ADGRL3: variants seen among roughly 807,000 people sequenced by gnomAD.
ADGRL3 encodes the protein calcium-independent alpha-latrotoxin receptor 3.
In ADGRL3, 62 loss-of-function variants were observed where a neutral mutation model predicts 153.5. The observed-to-expected ratio is 0.40, with a 90% CI of 0.33 to 0.50. The LOEUF is 0.50. Ranked by LOEUF, ADGRL3 falls within the 20% of genes least tolerant of loss-of-function variation. The pLI, the probability that ADGRL3 is intolerant of heterozygous loss-of-function variation, is 0.47. For missense variants in ADGRL3, 1,641 were observed against 1,859.4 expected, an observed-to-expected ratio of 0.88 and a Z score of 2.16; for synonymous variants, 710 against 672.5, an observed-to-expected ratio of 1.06 and a Z score of -0.86.
intron 9 of ADGRL3, among the ~76,000 whole-genome samples, chr4:61,883,158 C>G (rs577088221): frequency 6.6e-6 from 1 of 152,202 alleles, no homozygotes; most frequent in South Asian, 2.1e-4. Flanking sequence ...TCGCCTCCCC[C>G]AACACAGCCT....
At chr4:61,524,724 C>G (rs2098549710) in intron 4 of ADGRL3, among the ~76,000 whole-genome samples, 1 of 151,974 alleles carries the variant, frequency 6.6e-6, no homozygotes, top group African/African-American at 2.4e-5. Flanking sequence ...TTCCTGAGAC[C>G]TAGTAAGTGT....
rs371215957 is a variant in ADGRL3, at chr4:61,560,980, T to C, written c.260-26247T>C. Among the ~76,000 whole-genome samples, 27 of 152,276 alleles carry C rather than the reference T, an allele frequency of 1.8e-4. 1 individual carries two copies. The highest frequency in any genetic ancestry group is 6.0e-4 in the African/African-American group (25 of 41,574). ...AAGATATATAGATATTGGTAAAAGA[T>C]ATAGTGTCATATAAATAAATTAACA... On this transcript the variant is annotated intron_variant, in intron 4 of 26. Transcript: ENST00000683033.
intron 8 of ADGRL3, among the ~76,000 whole-genome samples, chr4:61,782,005 A>G (rs1047635648): frequency 2.0e-5 from 3 of 152,326 alleles, no homozygotes; most frequent in African/African-American, 7.2e-5. Flanking sequence ...AAGACCTTAA[A>G]TGAATTACAG....
rs74848719 is a variant in ADGRL3, at chr4:61,739,320, G to A, written c.1399+5766G>A. Reference sequence around the variant, plus strand: ...TTCTACAAATTACTTTTTTTTTTTTGATTGGAGACAGAGTCTCACTGTGTT... The same window carrying A: ...TTCTACAAATTACTTTTTTTTTTTTAATTGGAGACAGAGTCTCACTGTGTT... On this transcript the variant is annotated intron_variant, in intron 8 of 26. Coordinates refer to ENST00000683033, the MANE Select transcript of ADGRL3 (RefSeq NM_001387552.1). Among the ~76,000 whole-genome samples, 5 of 116,858 alleles carry A rather than the reference G, an allele frequency of 4.3e-5. No individual in the cohort carries two copies. In the South Asian group the frequency reaches 1.3e-3, roughly 30 times the overall value. 76.7% of individuals were successfully genotyped at this position (116,858 alleles called of 152,430 possible).
chr4:61,839,625 T>C (rs1163463105), intron 9 of ADGRL3, among the ~76,000 whole-genome samples: 2 of 151,906 alleles, frequency 1.3e-5, no homozygotes, highest in African/African-American at 4.8e-5. Flanking sequence ...TTGGTTGATA[T>C]TGCTTAGGTT....
intron 1 of ADGRL3, among the ~76,000 whole-genome samples, chr4:61,238,473 G>T (rs1358289433): frequency 6.6e-6 from 1 of 151,640 alleles, no homozygotes; most frequent in African/African-American, 2.4e-5. Context: ...GTGTGTGTGT[G>T]TGTATGCACG....
intron 8 of ADGRL3, among the ~76,000 whole-genome samples, chr4:61,758,772 T>C (rs1015506713): frequency 1.3e-5 from 2 of 152,190 alleles, no homozygotes; most frequent in Non-Finnish European, 1.5e-5. Flanking sequence ...TTCTTCCTAG[T>C]CTTGATGGTC....
chr4:61,203,013 T>A (rs2148701732), intron 1 of ADGRL3, among the ~76,000 whole-genome samples: 1 of 152,302 alleles, frequency 6.6e-6, no homozygotes, highest in Non-Finnish European at 1.5e-5. Context: ...CCTTGCCGTG[T>A]CCCCTTCCCC....
At chr4:61,640,954 T>G (rs1054664075) in intron 5 of ADGRL3, among the ~76,000 whole-genome samples, 1 of 152,324 alleles carries the variant, frequency 6.6e-6, no homozygotes, top group Non-Finnish European at 1.5e-5. Flanking sequence ...TTCAAAGTTT[T>G]TTGTAAGCTC....
intron 1 of ADGRL3, among the ~76,000 whole-genome samples, chr4:61,275,846 T>C (rs1189090004): frequency 1.1e-4 from 16 of 152,190 alleles, no homozygotes; most frequent in Admixed American, 1.0e-3. Context: ...ATCTATTTAT[T>C]CTCTTAAAAA....
chr4:61,715,608 CATA>C (rs1302330951), intron 6 of ADGRL3, among the ~76,000 whole-genome samples: 1 of 151,960 alleles, frequency 6.6e-6, no homozygotes, highest in African/African-American at 2.4e-5. Flanking sequence ...CTAAATGTGT[CATA>C]ATAAAAATTC....
chr4:61,937,248 T>C (rs1177142131), intron 15 of ADGRL3, among the ~76,000 whole-genome samples: 1 of 152,110 alleles, frequency 6.6e-6, no homozygotes, highest in African/African-American at 2.4e-5. Context: ...ATGACTTAAC[T>C]AGGCCCGCCA....
At chr4:61,575,015 T>TC (rs1165519447) in intron 4 of ADGRL3, among the ~76,000 whole-genome samples, 1 of 151,898 alleles carries the variant, frequency 6.6e-6, no homozygotes, top group Non-Finnish European at 1.5e-5. Context: ...ACTAAAAATC[T>TC]CTTTAAAAAT....
chr4:61,356,845 G>C (rs370910624), intron 1 of ADGRL3, among the ~76,000 whole-genome samples: 1 of 152,046 alleles, frequency 6.6e-6, no homozygotes, highest in African/African-American at 2.4e-5. Flanking sequence ...TAAAGGTTCT[G>C]TTTCTTTTTG....
At chr4:61,420,288 A>T (rs955062187) in intron 2 of ADGRL3, 27 of 151,898 alleles carry the variant, frequency 1.8e-4, no homozygotes, top group African/African-American at 6.3e-4. Context: ...TCGATTTTCT[A>T]ATCAGTATTT....
intron 1 of ADGRL3, among the ~76,000 whole-genome samples, chr4:61,289,896 G>A (rs1386894833): frequency 1.3e-5 from 2 of 152,050 alleles, no homozygotes; most frequent in Non-Finnish European, 2.9e-5. Flanking sequence ...CTGTTATGAA[G>A]GTTAAACAAA....
chr4:61,300,925 C>A (rs975300775), intron 1 of ADGRL3, among the ~76,000 whole-genome samples: 1 of 151,888 alleles, frequency 6.6e-6, no homozygotes, highest in East Asian at 1.9e-4. Context: ...CCACCACGCC[C>A]GGCTAATTTT....
rs371359724 is a variant in ADGRL3, at chr4:62,024,791, G to A, written c.3396-4064G>A. On this transcript the variant is annotated intron_variant, in intron 21 of 26. Transcript: ENST00000683033. The stretch of plus-strand genomic sequence containing the variant: ...TAAAAATACAGAAAATTAGCCTGGT[G>A]TGGTGGTATGCGCCTGTATTCCCAG... Among the ~76,000 whole-genome samples the A allele has an allele frequency of 1.2e-4, 19 of 152,088 alleles. 1 individual carries two copies. The highest frequency in any genetic ancestry group is 4.6e-4 in the African/African-American group (19 of 41,516).
chr4:61,513,810 C>G, intron 3 of ADGRL3, among the ~76,000 whole-genome samples: 1 of 152,268 alleles, frequency 6.6e-6, no homozygotes, highest in South Asian at 2.1e-4. Flanking sequence ...CATGAAGTTT[C>G]TCTGAAGATG....
Sources: allele counts gnomAD v4.1 joint callset (sites outside exome capture counted in the v4.1 genomes callset), GRCh38; gene constraint gnomAD v4.1.1; transcripts MANE v1.5; gene names NCBI Gene and HGNC (gene_info 2026-07-23, HGNC 2026-07-21).